Variants in SINHCAF observed in about 807,000 individuals in gnomAD.
SINHCAF encodes SIN3-HDAC complex associated factor, also known as SIN3-HDAC complex-associated factor.
Under a neutral mutation model 25.8 loss-of-function variants are expected in SINHCAF, and 3 were observed. That is an observed-to-expected ratio of 0.12 (90% CI 0.05 to 0.30). The LOEUF is 0.30. SINHCAF is among the 10% of genes least tolerant of loss of function. The pLI is 1.00. For missense variants in SINHCAF, 121 were observed against 262.3 expected (o/e 0.46, Z 3.72); for synonymous variants, 70 against 85.5 (o/e 0.82, Z 1.00).
intron 2 of SINHCAF, among the ~76,000 whole-genome samples, chr12:31,297,620 G>A (rs2137092522): frequency 1.3e-5 from 2 of 151,694 alleles, no homozygotes; most frequent in Admixed American, 6.6e-5. Context: ...CTACAAGTGT[G>A]CACCACCACG....
At position 31,281,579 on chromosome 12, in the gene SINHCAF, C is replaced by T. The variant is rs1468928877; in HGVS notation, c.*1133G>A. 6.6e-6 allele frequency: 1 copy of T among 152,092 alleles called. No individual in the cohort carries two copies. The highest frequency in any genetic ancestry group is 2.4e-5 in the African/African-American group (1 of 41,420). 9.4% of individuals were successfully genotyped at this position (152,092 alleles called of 1,614,324 possible). On this transcript the variant is annotated 3_prime_UTR_variant, in exon 6 of 6. Transcript: ENST00000337682. ...GATTATATTTACACACTCAGCAAGC[C>T]CTCTAAGAAATGTGCCCCAAGAAGC...
At chr12:31,303,319 C>T in intron 1 of SINHCAF, 1 of 747,290 alleles carries the variant, frequency 1.3e-6, no homozygotes, top group South Asian at 6.0e-5. Flanking sequence ...ATTGGGAAGG[C>T]TCATTCCCAG....
intron 5 of SINHCAF, among the ~76,000 whole-genome samples, chr12:31,284,493 A>C (rs1937950267): frequency 6.6e-6 from 1 of 152,174 alleles, no homozygotes; most frequent in African/African-American, 2.4e-5. Flanking sequence ...TAAGTTCATA[A>C]TTATAATGTA....
intron 2 of SINHCAF, among the ~76,000 whole-genome samples, chr12:31,297,235 T>C (rs370553210): frequency 3.3e-4 from 50 of 152,230 alleles, no homozygotes; most frequent in African/African-American, 1.1e-3. Flanking sequence ...GTATCTTCAT[T>C]TCCTCAACCT....
intron 2 of SINHCAF, among the ~76,000 whole-genome samples, chr12:31,295,743 A>G (rs10843925): frequency 0.71 from 107,481 of 151,584 alleles, 38,974 homozygotes; most frequent in African/African-American, 0.86. Context: ...GTGGTGGTGC[A>G]CACCTGTAGT....
rs1219121223 is a variant in SINHCAF at position 31,325,018 on chromosome 12, C to G, written c.-21+1006G>C. Reference sequence around the variant, plus strand: ...CGGGGCTGGACATTCGGACAAGGACCAGGGTCGCAGCCCGAAGCACGTGGT... The same window carrying G: ...CGGGGCTGGACATTCGGACAAGGACGAGGGTCGCAGCCCGAAGCACGTGGT... On this transcript the variant is annotated intron_variant, in intron 1 of 5. Transcript: ENST00000337682. This position sits in a 1 kb window ranked among gnomAD's most constrained non-coding sequence, Gnocchi z 5.9. 1 of 456,696 alleles carries G rather than the reference C, an allele frequency of 2.2e-6. No homozygotes were observed. Among genetic ancestry groups the G allele is most frequent in the Non-Finnish European group, 4.4e-6 (1 of 226,998 alleles). 28.3% of individuals were successfully genotyped at this position (456,696 alleles called of 1,614,324 possible).
At chr12:31,295,392 G>C (rs1032035094) in intron 2 of SINHCAF, 59 bp from the exon 3 acceptor site, 1 of 1,150,904 alleles carries the variant, frequency 8.7e-7, no homozygotes, top group Non-Finnish European at 1.3e-6. Context: ...ATTCATGCAA[G>C]CACATTTCTT....
chr12:31,318,575 A>ATT (rs1202087263), intron 1 of SINHCAF, among the ~76,000 whole-genome samples: 14 of 152,156 alleles, frequency 9.2e-5, no homozygotes, highest in Non-Finnish European at 2.1e-4. Flanking sequence ...GGCATAGGTT[A>ATT]AAAATAAAAT....
At chr12:31,314,745 G>C (rs76576506) in intron 1 of SINHCAF, among the ~76,000 whole-genome samples, 1,754 of 152,250 alleles carry the variant, frequency 0.012, 17 homozygotes, top group East Asian at 0.037. Context: ...CCCCATTCTG[G>C]TTGCTTAATT....
rs1939669084 is a variant in SINHCAF at position 31,320,843 on chromosome 12, T to TA, written c.-21+5180dup. On this transcript the variant is annotated intron_variant, in intron 1 of 5. Transcript: ENST00000337682. ...CAAGCAGGAGCAGGGGGAAGGAAATTAGACTAGTGTGGGGAGAAATGAGAA... is the reference window on the plus strand; with the variant it reads ...CAAGCAGGAGCAGGGGGAAGGAAATTAAGACTAGTGTGGGGAGAAATGAGAA... Among the ~76,000 whole-genome samples, 3 of 152,158 alleles carry TA rather than the reference T, an allele frequency of 2.0e-5. No homozygotes were observed. The South Asian group carries it at 6.2e-4, about 32-fold the overall frequency.
intron 1 of SINHCAF, among the ~76,000 whole-genome samples, chr12:31,306,029 C>T (rs1359493361): frequency 6.6e-6 from 1 of 152,128 alleles, no homozygotes; most frequent in African/African-American, 2.4e-5. Flanking sequence ...ATGACCTGGG[C>T]AGTAAAATAA....
At chr12:31,299,600 G>A (rs1056820885) in intron 1 of SINHCAF, among the ~76,000 whole-genome samples, 1 of 152,192 alleles carries the variant, frequency 6.6e-6, no homozygotes, top group Non-Finnish European at 1.5e-5. Context: ...ACAGGCGTGA[G>A]CCACCGTGCC....
chr12:31,301,970 C>T (rs559227912), intron 1 of SINHCAF, among the ~76,000 whole-genome samples: 1 of 152,240 alleles, frequency 6.6e-6, no homozygotes, highest in South Asian at 2.1e-4. Flanking sequence ...TCCTCCAGTA[C>T]AATCTATCTT....
intron 1 of SINHCAF, among the ~76,000 whole-genome samples, chr12:31,321,182 A>G (rs1235292524): frequency 6.6e-6 from 1 of 152,226 alleles, no homozygotes; most frequent in African/African-American, 2.4e-5. Context: ...AACAAAAGAC[A>G]ACAAAAAAGT....
chr12:31,285,202 G>A (rs1285344245), intron 5 of SINHCAF, among the ~76,000 whole-genome samples: 3 of 151,892 alleles, frequency 2.0e-5, no homozygotes, highest in African/African-American at 7.3e-5. Flanking sequence ...AGCCTGGCCA[G>A]CATGGTGAAA....
intron 1 of SINHCAF, among the ~76,000 whole-genome samples, chr12:31,310,297 T>C (rs965971185): frequency 6.6e-6 from 1 of 152,120 alleles, no homozygotes; most frequent in African/African-American, 2.4e-5. Context: ...TCAAGTAAGG[T>C]GGAATTTATA....
At chr12:31,322,301 T>C (rs1939725998) in intron 1 of SINHCAF, among the ~76,000 whole-genome samples, 1 of 152,258 alleles carries the variant, frequency 6.6e-6, no homozygotes, top group Admixed American at 6.5e-5. Context: ...ATGGAAATTC[T>C]AGCCATAACT....
intron 5 of SINHCAF, among the ~76,000 whole-genome samples, chr12:31,286,079 C>G (rs915000809): frequency 6.6e-6 from 1 of 152,048 alleles, no homozygotes; most frequent in African/African-American, 2.4e-5. Flanking sequence ...TTTACTACTA[C>G]ACTACTACCA....
intron 1 of SINHCAF, among the ~76,000 whole-genome samples, chr12:31,314,511 GCGAGA>G (rs1265781618): frequency 1.3e-5 from 2 of 151,840 alleles, no homozygotes; most frequent in Non-Finnish European, 2.9e-5. Context: ...GGGCAACAGA[GCGAGA>G]CTCCGTCTCA....
Sources: gnomAD v4.1 joint callset for allele counts (sites outside exome capture counted in the v4.1 genomes callset) on GRCh38, gnomAD v4.1.1 for gene constraint, Gnocchi (gnomAD v3.1) non-coding constraint, MANE v1.5 for transcripts, NCBI Gene and HGNC (gene_info 2026-07-23, HGNC 2026-07-21) for gene names.